Variants in GALNTL6 observed in about 807,000 individuals in gnomAD.
GALNTL6 encodes polypeptide N-acetylgalactosaminyltransferase-like 6.
In GALNTL6, 46 loss-of-function variants were observed where a neutral mutation model predicts 73.7. The observed-to-expected ratio is 0.62, with a 90% CI of 0.49 to 0.80. The LOEUF (loss-of-function observed/expected upper bound fraction) is 0.80. Ranked by LOEUF, GALNTL6 falls within the 30% of genes least tolerant of loss-of-function variation. The probability of loss-of-function intolerance (pLI) is 0.00; values close to 1 mark genes in which losing one functional copy is unlikely to be tolerated. For synonymous variants in GALNTL6, 259 were observed against 263.7 expected (o/e 0.98, Z 0.17); for missense variants, 604 against 755.0 (o/e 0.80, Z 2.34).
chr4:172,456,633 G>A (rs558945426), intron 5 of GALNTL6, among the ~76,000 whole-genome samples: 22 of 151,806 alleles, frequency 1.4e-4, no homozygotes, highest in African/African-American at 3.4e-4. Flanking sequence ...GAAATAAAGC[G>A]TGAAGACAAG....
intron 2 of GALNTL6, among the ~76,000 whole-genome samples, chr4:172,082,443 G>A (rs1456192924): frequency 2.6e-5 from 4 of 152,128 alleles, no homozygotes; most frequent in Non-Finnish European, 2.9e-5. Flanking sequence ...AATATGTGAG[G>A]TGGCAATTGC....
chr4:173,022,999 A>G (rs1753079389), intron 12 of GALNTL6, among the ~76,000 whole-genome samples: 1 of 152,154 alleles, frequency 6.6e-6, no homozygotes, highest in Non-Finnish European at 1.5e-5. Flanking sequence ...CTTCTCAGCC[A>G]GGGATAAGAT....
At position 172,756,634 on chromosome 4, in the gene GALNTL6, T is replaced by A. The variant is rs144217017; in HGVS notation, c.554-52727T>A. Among the ~76,000 whole-genome samples the A allele has an allele frequency of 1.3e-3, 203 of 150,654 alleles. 1 individual carries two copies. The highest frequency in any genetic ancestry group is 4.7e-3 in the African/African-American group (193 of 40,934). ...CACACTACAGCCCGGCAACAGCGTG[T>A]GACTAAAAAAAAAAAAAGAAAGCAG... On this transcript the variant is annotated intron_variant, in intron 5 of 12. Transcript: ENST00000506823.
intron 3 of GALNTL6, among the ~76,000 whole-genome samples, chr4:172,262,873 T>C (rs1738306360): frequency 6.6e-6 from 1 of 151,566 alleles, no homozygotes; most frequent in South Asian, 2.1e-4. Context: ...CTCCTTCATT[T>C]ATTAAGTTTA....
At chr4:172,887,028 T>A (rs1170505675) in intron 8 of GALNTL6, among the ~76,000 whole-genome samples, 1 of 152,084 alleles carries the variant, frequency 6.6e-6, no homozygotes, top group Non-Finnish European at 1.5e-5. Context: ...GTTGTCATAT[T>A]TATGTCCATG....
At chr4:172,258,668 A>G (rs1190811165) in intron 3 of GALNTL6, among the ~76,000 whole-genome samples, 4 of 151,168 alleles carry the variant, frequency 2.6e-5, no homozygotes, top group East Asian at 1.9e-4. Flanking sequence ...GTTCTTTAGT[A>G]GTGATTTCTG....
chr4:171,965,075 A>G (rs1316291037), intron 2 of GALNTL6, among the ~76,000 whole-genome samples: 3 of 152,192 alleles, frequency 2.0e-5, no homozygotes, highest in African/African-American at 4.8e-5. Context: ...AGTCCAAACT[A>G]TAACAGTTAC....
intron 5 of GALNTL6, among the ~76,000 whole-genome samples, chr4:172,572,227 A>T (rs770704336): frequency 6.6e-6 from 1 of 152,106 alleles, no homozygotes; most frequent in Non-Finnish European, 1.5e-5. Flanking sequence ...GCCTCCCTGA[A>T]ATCTATTCCC....
chr4:171,903,105 T>C (rs1737150783), intron 2 of GALNTL6, among the ~76,000 whole-genome samples: 1 of 152,132 alleles, frequency 6.6e-6, no homozygotes, highest in African/African-American at 2.4e-5. Flanking sequence ...AAGAGATTGA[T>C]ATCCCTTTGA....
At chr4:172,846,555 T>C (rs1579559864) in intron 7 of GALNTL6, among the ~76,000 whole-genome samples, 1 of 152,194 alleles carries the variant, frequency 6.6e-6, no homozygotes, top group Non-Finnish European at 1.5e-5. Context: ...ATAGATTTTT[T>C]TGTAATATGG....
intron 2 of GALNTL6, among the ~76,000 whole-genome samples, chr4:172,174,220 T>G (rs1734920530): frequency 6.6e-6 from 1 of 152,104 alleles, no homozygotes; most frequent in Non-Finnish European, 1.5e-5. Context: ...AGAGACATCT[T>G]TGGATTTAGA....
At chr4:171,934,706 G>A (rs1165530013) in intron 2 of GALNTL6, among the ~76,000 whole-genome samples, 1 of 152,068 alleles carries the variant, frequency 6.6e-6, no homozygotes, top group Non-Finnish European at 1.5e-5. Context: ...ATGAGCCACT[G>A]CACCCAGCCA....
intron 2 of GALNTL6, among the ~76,000 whole-genome samples, chr4:171,926,973 A>G (rs1738002695): frequency 6.6e-6 from 1 of 152,042 alleles, no homozygotes; most frequent in South Asian, 2.1e-4. Context: ...TGATGTTGTT[A>G]AAATGGTCCT....
At chr4:172,109,990 A>T (rs1732807696) in intron 2 of GALNTL6, among the ~76,000 whole-genome samples, 1 of 152,268 alleles carries the variant, frequency 6.6e-6, no homozygotes, top group Admixed American at 6.5e-5. Context: ...AATAAAGAGA[A>T]TGATGAAACT....
chr4:172,118,827 A>AT lies in GALNTL6; in HGVS notation c.139-110819dup, dbSNP rs141690850. Among the ~76,000 whole-genome samples the AT allele has an allele frequency of 3.5e-3, 529 of 150,404 alleles. 6 individuals carry two copies. Among genetic ancestry groups the AT allele is most frequent in the African/African-American group, 0.011 (472 of 41,060 alleles). On this transcript the variant is annotated intron_variant, in intron 2 of 12. Transcript: ENST00000506823. ...ATTTGTAAATTTCTAATAAGCAGTG[A>AT]TTTTTTTTTTCTTTTTTTGTGAACT...
intron 4 of GALNTL6, among the ~76,000 whole-genome samples, chr4:172,326,818 A>G (rs1177482205): frequency 2.0e-5 from 3 of 151,796 alleles, no homozygotes; most frequent in Non-Finnish European, 2.9e-5. Context: ...TTTTTTGAGG[A>G]GTAAAGTTGA....
intron 2 of GALNTL6, among the ~76,000 whole-genome samples, chr4:171,949,780 G>T (rs1481336297): frequency 1.3e-5 from 2 of 152,126 alleles, no homozygotes; most frequent in Non-Finnish European, 2.9e-5. Flanking sequence ...GACAGTAAAT[G>T]AAATAGAAAT....
intron 2 of GALNTL6, among the ~76,000 whole-genome samples, chr4:172,057,748 AT>A (rs1731073671): frequency 1.4e-5 from 2 of 142,596 alleles, no homozygotes; most frequent in African/African-American, 5.1e-5. Flanking sequence ...ATATATATAT[AT>A]ATATATATAA....
chr4:172,105,837 T>A (rs1023920317), intron 2 of GALNTL6, among the ~76,000 whole-genome samples: 2 of 152,160 alleles, frequency 1.3e-5, no homozygotes, highest in Non-Finnish European at 1.5e-5. Flanking sequence ...ACATGTTCAA[T>A]AGAGAACAAG....
Sources: gnomAD v4.1 joint callset for allele counts (sites outside exome capture counted in the v4.1 genomes callset) on GRCh38, gnomAD v4.1.1 for gene constraint, MANE v1.5 for transcripts, NCBI Gene and HGNC (gene_info 2026-07-23, HGNC 2026-07-21) for gene names.